DOCK3: variants seen among roughly 807,000 people sequenced by gnomAD.
DOCK3 encodes dedicator of cytokinesis 3, also known as dedicator of cytokinesis protein 3.
In DOCK3, 60 loss-of-function variants were observed where a neutral mutation model predicts 265.6. The ratio of observed to expected loss-of-function variants is 0.23; its 90% CI spans 0.18 to 0.28. The LOEUF (loss-of-function observed/expected upper bound fraction) is 0.28. DOCK3 is among the 10% of genes least tolerant of loss of function. The pLI is 1.00. For missense variants in DOCK3, 1,981 were observed against 2,594.3 expected (o/e 0.76, Z 5.14); for synonymous variants, 881 against 938.0 (o/e 0.94, Z 1.11).
chr3:51,099,642 A>G (rs968992853), intron 9 of DOCK3, among the ~76,000 whole-genome samples: 3 of 152,222 alleles, frequency 2.0e-5, no homozygotes, highest in African/African-American at 7.2e-5. Flanking sequence ...TTATGCACCA[A>G]ATGTTTATTT....
chr3:51,066,317 A>AAAAC (rs758436171), intron 6 of DOCK3, among the ~76,000 whole-genome samples: 1 of 152,112 alleles, frequency 6.6e-6, no homozygotes, highest in Non-Finnish European at 1.5e-5. Flanking sequence ...ATGGAAAAAC[A>AAAAC]AAACAAACAA....
chr3:50,813,922 G>A (rs2043910660), intron 2 of DOCK3, among the ~76,000 whole-genome samples: 1 of 152,134 alleles, frequency 6.6e-6, no homozygotes. Flanking sequence ...CTATACCTAT[G>A]TAATAAAAGT....
At chr3:51,308,544 T>G (rs1022489612) in intron 27 of DOCK3, among the ~76,000 whole-genome samples, 1 of 151,604 alleles carries the variant, frequency 6.6e-6, no homozygotes, top group Non-Finnish European at 1.5e-5. Flanking sequence ...GGTAAGGTCA[T>G]AGATCAACAG....
chr3:51,001,633 G>A (rs1292527355), intron 5 of DOCK3, among the ~76,000 whole-genome samples: 1 of 152,122 alleles, frequency 6.6e-6, no homozygotes, highest in African/African-American at 2.4e-5. Flanking sequence ...TATGTATTAT[G>A]TAGATATATC....
chr3:51,179,541 G>A (rs1392622610), intron 12 of DOCK3, among the ~76,000 whole-genome samples: 2 of 152,192 alleles, frequency 1.3e-5, no homozygotes, highest in East Asian at 1.9e-4. Context: ...AAATGTAGAT[G>A]TAAAGCAGGT....
chr3:51,350,162 T>C, intron 39 of DOCK3, 126 bp from the exon 40 acceptor site: 2 of 787,850 alleles, frequency 2.5e-6, no homozygotes, highest in Non-Finnish European at 2.1e-6. Context: ...AGAGGCTCAC[T>C]TACTTCTTAT....
At chr3:51,025,802 C>G (rs1182163647) in intron 5 of DOCK3, among the ~76,000 whole-genome samples, 1 of 152,146 alleles carries the variant, frequency 6.6e-6, no homozygotes, top group East Asian at 1.9e-4. Flanking sequence ...ACTGTTGCTT[C>G]TACTTTTATA....
rs1388666244 is a variant in DOCK3 at position 51,262,803 on chromosome 3, T to C, written c.2355+2477T>C. 2.0e-5 allele frequency among the ~76,000 whole-genome samples: 3 copies of C among 152,024 alleles called. No homozygotes were observed. The South Asian group carries it at 6.2e-4, about 32-fold the overall frequency. The stretch of plus-strand genomic sequence containing the variant: ...AGTATCAATAGCCAAACTGATCAAG[T>C]GGAAGAAAGGATATCAGAGATTGAA... On this transcript the variant is annotated intron_variant, in intron 23 of 52. Coordinates refer to ENST00000266037, the MANE Select transcript of DOCK3 (RefSeq NM_004947.5).
Position 51,090,143 on chromosome 3 carries a change from G to T in DOCK3, c.592-87G>T, listed in dbSNP as rs1576033016. On this transcript the variant is annotated intron_variant, in intron 8 of 52. Transcript: ENST00000266037. Reference sequence around the variant, plus strand: ...ATAATCTCCTTCAGTAGTGTGAAAAGAGTTTGTAATTTAGTTTCCACTTTT... The same window carrying T: ...ATAATCTCCTTCAGTAGTGTGAAAATAGTTTGTAATTTAGTTTCCACTTTT... The T allele has an allele frequency of 1.1e-5, 15 of 1,342,018 alleles. 1 individual carries two copies. In the East Asian group the frequency reaches 3.8e-4, roughly 34 times the overall value. 83.1% of individuals were successfully genotyped at this position (1,342,018 alleles called of 1,614,324 possible).
At chr3:50,803,530 C>G (rs924213116) in intron 2 of DOCK3, among the ~76,000 whole-genome samples, 10 of 152,244 alleles carry the variant, frequency 6.6e-5, no homozygotes, top group Admixed American at 2.6e-4. Flanking sequence ...CACTTCCCCC[C>G]CTTCCACTCA....
intron 5 of DOCK3, among the ~76,000 whole-genome samples, chr3:51,018,859 A>G (rs1411410592): frequency 6.6e-6 from 1 of 151,914 alleles, no homozygotes; most frequent in Admixed American, 6.6e-5. Flanking sequence ...AAAAATTACC[A>G]GTGTTTTTAT....
At chr3:51,311,503 A>T (rs1292258352) in intron 28 of DOCK3, among the ~76,000 whole-genome samples, 2 of 152,352 alleles carry the variant, frequency 1.3e-5, no homozygotes, top group South Asian at 2.1e-4. Context: ...TGACACATAG[A>T]TGAAAATAAT....
chr3:51,116,005 C>G (rs769869855), intron 9 of DOCK3, among the ~76,000 whole-genome samples: 8 of 152,034 alleles, frequency 5.3e-5, no homozygotes, highest in Non-Finnish European at 7.4e-5. Context: ...TGGTCTATAT[C>G]TCTGTTTTGG....
At chr3:51,026,131 A>C (rs1299033770) in intron 5 of DOCK3, among the ~76,000 whole-genome samples, 2 of 152,204 alleles carry the variant, frequency 1.3e-5, no homozygotes, top group Non-Finnish European at 2.9e-5. Flanking sequence ...CACTGCCTCC[A>C]ATCTGCCATT....
At chr3:50,741,543 C>G (rs866294060) in intron 1 of DOCK3, among the ~76,000 whole-genome samples, 1 of 150,036 alleles carries the variant, frequency 6.7e-6, no homozygotes, top group African/African-American at 2.5e-5. Context: ...TTTGTTCTTG[C>G]GATAGTTTAC....
At chr3:51,063,773 T>C (rs1048153431) in intron 5 of DOCK3, among the ~76,000 whole-genome samples, 2 of 152,226 alleles carry the variant, frequency 1.3e-5, no homozygotes, top group African/African-American at 4.8e-5. Context: ...ACTTTTAAGG[T>C]TAAAACTACT....
chr3:50,720,334 CTG>C (rs2037398002), intron 1 of DOCK3, among the ~76,000 whole-genome samples: 2 of 152,160 alleles, frequency 1.3e-5, no homozygotes, highest in Admixed American at 6.5e-5. Context: ...GTTCCCTTCT[CTG>C]TGTTCATGTA....
At chr3:51,069,277 G>A (rs898613416) in intron 6 of DOCK3, among the ~76,000 whole-genome samples, 1 of 152,094 alleles carries the variant, frequency 6.6e-6, no homozygotes, top group South Asian at 2.1e-4. Flanking sequence ...TAGAGAATTA[G>A]TCAGTTAATT....
At chr3:51,004,714 G>GTTTT (rs56348225) in intron 5 of DOCK3, among the ~76,000 whole-genome samples, 1 of 118,712 alleles carries the variant, frequency 8.4e-6, no homozygotes, top group African/African-American at 3.2e-5. Context: ...AGAGATTTAA[G>GTTTT]TTTTTTTTTT....
Sources: gnomAD v4.1 joint callset for allele counts (sites outside exome capture counted in the v4.1 genomes callset) on GRCh38, gnomAD v4.1.1 for gene constraint, MANE v1.5 for transcripts, NCBI Gene and HGNC (gene_info 2026-07-23, HGNC 2026-07-21) for gene names.